The following C12orf56 variants were observed in gnomAD, a reference collection of about 807,000 sequenced individuals.
C12orf56 encodes the protein uncharacterized protein C12orf56.
A neutral mutation model predicts 69.9 loss-of-function variants in C12orf56; 71 were observed. That is an observed-to-expected ratio of 1.02 (90% CI 0.84 to 1.24). The LOEUF (loss-of-function observed/expected upper bound fraction) is 1.24, where lower values mean the gene tolerates loss of function less well. Ranked by LOEUF, C12orf56 falls within the 50% of genes most tolerant of loss-of-function variation. C12orf56 has a pLI of 0.00. For synonymous variants in C12orf56, 276 were observed against 274.1 expected (o/e 1.01, Z -0.07); for missense variants, 732 against 738.5 (o/e 0.99, Z 0.10).
chr12:64,305,680 G>A (rs181512447), intron 5 of C12orf56, among the ~76,000 whole-genome samples: 4 of 152,284 alleles, frequency 2.6e-5, no homozygotes, highest in African/African-American at 9.6e-5. Flanking sequence ...ACTACGCCCG[G>A]CCAAATGTGC....
At chr12:64,381,154 T>G (rs929672086) in intron 1 of C12orf56, among the ~76,000 whole-genome samples, 6 of 151,396 alleles carry the variant, frequency 4.0e-5, no homozygotes, top group Non-Finnish European at 8.8e-5. Context: ...GAGTCAGGAG[T>G]GTTGATTGGT....
intron 1 of C12orf56, among the ~76,000 whole-genome samples, chr12:64,386,631 G>T (rs2039794808): frequency 6.6e-6 from 1 of 151,538 alleles, no homozygotes; most frequent in Admixed American, 6.6e-5. Flanking sequence ...CCCAACCTCA[G>T]GTGATCCGCC....
intron 2 of C12orf56, among the ~76,000 whole-genome samples, chr12:64,338,977 C>T (rs1311181905): frequency 6.6e-6 from 1 of 152,144 alleles, no homozygotes. Context: ...TAAAATAAAT[C>T]TTGTCTTCCA....
At chr12:64,379,460 A>AT (rs2039683123) in intron 1 of C12orf56, among the ~76,000 whole-genome samples, 2 of 150,958 alleles carry the variant, frequency 1.3e-5, no homozygotes, top group Admixed American at 1.3e-4. Context: ...ATTTTTTTGT[A>AT]TTTTTTTAGT....
chr12:64,296,658 A>G (rs73327148), intron 6 of C12orf56, among the ~76,000 whole-genome samples: 5 of 152,178 alleles, frequency 3.3e-5, no homozygotes, highest in Admixed American at 2.6e-4. Context: ...TAAAAAAGAC[A>G]TGAATTTTTG....
At chr12:64,308,959 G>GAAAGAAAGAAAA (rs2038567814) in intron 5 of C12orf56, among the ~76,000 whole-genome samples, 2 of 109,938 alleles carry the variant, frequency 1.8e-5, no homozygotes, top group African/African-American at 6.8e-5. Context: ...AAGAAAGAAA[G>GAAAGAAAGAAAA]AAAGAAAGAA....
chr12:64,303,553 T>C (rs2038474266), intron 6 of C12orf56, 82 bp downstream of exon 6: 6 of 1,157,608 alleles, frequency 5.2e-6, no homozygotes, highest in African/African-American at 1.6e-5. Context: ...AAGACAACTC[T>C]TATTTATATT....
intron 1 of C12orf56, among the ~76,000 whole-genome samples, chr12:64,354,146 T>C (rs2039273581): frequency 6.6e-6 from 1 of 152,224 alleles, no homozygotes; most frequent in Admixed American, 6.5e-5. Flanking sequence ...GGAAATGTCC[T>C]TCTCTCCAAC....
chr12:64,313,274 A>AAAAGAAAG lies in C12orf56; in HGVS notation c.895-530_895-523dup, dbSNP rs760452951. ...GAGACTCTGTCTCAAAAAAAAAAAA[A>AAAAGAAAG]AAAGAAAGAAAGAAAGAAAGAAAGA... On this transcript the variant is annotated intron_variant, in intron 4 of 12. Coordinates refer to ENST00000543942, the MANE Select transcript of C12orf56 (RefSeq NM_001170633.2). 2.6e-4 allele frequency among the ~76,000 whole-genome samples: 21 copies of AAAAGAAAG among 81,410 alleles called. 1 individual carries two copies. The highest frequency in any genetic ancestry group is 1.2e-3 in the East Asian group (3 of 2,500). 53.4% of individuals were successfully genotyped at this position (81,410 alleles called of 152,430 possible).
chr12:64,269,619 C>G (rs1021381513), intron 12 of C12orf56, among the ~76,000 whole-genome samples: 1 of 151,696 alleles, frequency 6.6e-6, no homozygotes, highest in Non-Finnish European at 1.5e-5. Context: ...GGCGGAATAT[C>G]CCTCCGTTGC....
intron 2 of C12orf56, among the ~76,000 whole-genome samples, chr12:64,336,478 G>GA (rs35851263): frequency 1.1e-4 from 17 of 149,544 alleles, no homozygotes; most frequent in African/African-American, 2.5e-4. Flanking sequence ...CACGTTGAAG[G>GA]AAAAAAAAAG....
chr12:64,387,072 T>C (rs2039801878), intron 1 of C12orf56, among the ~76,000 whole-genome samples: 2 of 40,404 alleles, frequency 4.9e-5, no homozygotes, highest in Admixed American at 5.4e-4. Flanking sequence ...AGCGAGACTC[T>C]ATCTCAAAAA....
At chr12:64,375,365 A>G (rs966532434) in intron 1 of C12orf56, among the ~76,000 whole-genome samples, 4 of 152,264 alleles carry the variant, frequency 2.6e-5, no homozygotes, top group South Asian at 4.1e-4. Context: ...CATATTTTAT[A>G]TTTATTTTAG....
At chr12:64,381,818 G>A (rs1180171812) in intron 1 of C12orf56, among the ~76,000 whole-genome samples, 2 of 152,170 alleles carry the variant, frequency 1.3e-5, no homozygotes, top group African/African-American at 4.8e-5. Context: ...GTTGGATCTG[G>A]CAAGTTAAAG....
chr12:64,342,507 G>A (rs2039087414), intron 2 of C12orf56, among the ~76,000 whole-genome samples: 2 of 152,224 alleles, frequency 1.3e-5, no homozygotes. Context: ...CAGGCTAGGG[G>A]AGAGAAGGCA....
intron 8 of C12orf56, among the ~76,000 whole-genome samples, chr12:64,279,013 A>G (rs866561694): frequency 1.3e-5 from 2 of 152,134 alleles, no homozygotes; most frequent in Non-Finnish European, 2.9e-5. Context: ...CCATTCACCC[A>G]TTGCTGGACA....
intron 2 of C12orf56, among the ~76,000 whole-genome samples, chr12:64,344,562 G>C (rs2039115905): frequency 6.6e-6 from 1 of 152,136 alleles, no homozygotes; most frequent in African/African-American, 2.4e-5. Context: ...GTTGAGTGCT[G>C]CCACTTGGCC....
chr12:64,286,591 A>T (rs1031299976), intron 6 of C12orf56, among the ~76,000 whole-genome samples: 9 of 152,222 alleles, frequency 5.9e-5, no homozygotes, highest in Admixed American at 5.9e-4. Context: ...TGTCAAAATA[A>T]ACACTGACTT....
chr12:64,349,548 G>A (rs1411479050), intron 2 of C12orf56, among the ~76,000 whole-genome samples: 2 of 152,198 alleles, frequency 1.3e-5, no homozygotes, highest in Non-Finnish European at 2.9e-5. Flanking sequence ...ATATGAAAAA[G>A]ATATTTGCAC....
Sources: allele counts gnomAD v4.1 joint callset (sites outside exome capture counted in the v4.1 genomes callset), GRCh38; gene constraint gnomAD v4.1.1; transcripts MANE v1.5; gene names NCBI Gene and HGNC (gene_info 2026-07-23, HGNC 2026-07-21).